Variants in AVEN observed in about 807,000 individuals in gnomAD.
The protein encoded by AVEN is apoptosis and caspase activation inhibitor.
In AVEN, 41 loss-of-function variants were observed where a neutral mutation model predicts 38.1. The observed-to-expected ratio is 1.08, with a 90% CI of 0.84 to 1.40. The LOEUF (loss-of-function observed/expected upper bound fraction) is 1.40. Among genes scored for constraint, AVEN ranks in the 40% most tolerant of loss-of-function variants. The pLI is 0.00. For synonymous variants in AVEN, 206 were observed against 171.8 expected (o/e 1.20, Z -1.56); for missense variants, 605 against 438.8 (o/e 1.38, Z -3.38).
At chr15:33,961,794 C>T (rs557334886) in intron 2 of AVEN, among the ~76,000 whole-genome samples, 2 of 109,850 alleles carry the variant, frequency 1.8e-5, no homozygotes, top group Admixed American at 1.4e-4. Flanking sequence ...GCCTGGGCGA[C>T]AGAGTGAGAC....
In AVEN at chr15:33,931,349, C is replaced by CTTTTTTT. The variant is rs71119903; in HGVS notation, c.446-55361_446-55355dup. On this transcript the variant is annotated intron_variant, in intron 2 of 5. Transcript: ENST00000306730. ...AAAAAGAAACTATGCTGAATATTTT[C>CTTTTTTT]TTTTTTTTTTTTTTTTTTTTTTTTT... is the stretch of plus-strand genomic sequence containing the variant. 2.4e-4 allele frequency among the ~76,000 whole-genome samples: 21 copies of CTTTTTTT among 89,274 alleles called. 1 individual carries two copies. Among genetic ancestry groups the CTTTTTTT allele is most frequent in the South Asian group, 7.6e-4 (2 of 2,628 alleles). 58.6% of individuals were successfully genotyped at this position (89,274 alleles called of 152,430 possible).
At chr15:34,009,530 G>C (rs1177417840) in intron 1 of AVEN, among the ~76,000 whole-genome samples, 1 of 151,902 alleles carries the variant, frequency 6.6e-6, no homozygotes, top group East Asian at 1.9e-4. Flanking sequence ...TAGATTCAAA[G>C]ATACAAGTAG....
chr15:33,989,541 A>G (rs1159820236), intron 2 of AVEN, among the ~76,000 whole-genome samples: 4 of 151,894 alleles, frequency 2.6e-5, no homozygotes, highest in Admixed American at 6.6e-5. Context: ...CCACCTAAAC[A>G]CATATACTAC....
intron 2 of AVEN, among the ~76,000 whole-genome samples, chr15:33,951,050 T>A (rs1359977631): frequency 9.9e-6 from 1 of 101,310 alleles, no homozygotes; most frequent in Non-Finnish European, 2.0e-5. Context: ...GGAGAGAGGG[T>A]GGGAGGAAGG....
chr15:33,864,100 T>A (rs762080268), downstream of AVEN: 4 of 1,529,570 alleles, frequency 2.6e-6, no homozygotes, highest in Non-Finnish European at 3.6e-6. Flanking sequence ...ACTTGGGTCT[T>A]GACCAGAGTA....
At chr15:33,995,851 G>A (rs913133868) in intron 2 of AVEN, among the ~76,000 whole-genome samples, 4 of 152,318 alleles carry the variant, frequency 2.6e-5, no homozygotes, top group South Asian at 2.1e-4. Context: ...TGCAGGCCAC[G>A]GAGGGCGAGC....
intron 2 of AVEN, among the ~76,000 whole-genome samples, chr15:33,882,126 T>C (rs1391652930): frequency 1.3e-5 from 2 of 152,162 alleles, no homozygotes; most frequent in African/African-American, 2.4e-5. Flanking sequence ...CCTTGTTGTG[T>C]ACTTATATAA....
chr15:33,946,792 C>T (rs934784437), intron 2 of AVEN, among the ~76,000 whole-genome samples: 1 of 152,058 alleles, frequency 6.6e-6, no homozygotes, highest in South Asian at 2.1e-4. Context: ...GCTGCGGTTG[C>T]GGGGAGCGGT....
At chr15:34,011,429 G>A (rs1246327894) in intron 1 of AVEN, among the ~76,000 whole-genome samples, 1 of 152,024 alleles carries the variant, frequency 6.6e-6, no homozygotes, top group East Asian at 1.9e-4. Context: ...GCAGTATATG[G>A]CATATATGTG....
At chr15:34,044,997 G>C (rs1274096143) in intron 5 of AVEN, among the ~76,000 whole-genome samples, 1 of 152,148 alleles carries the variant, frequency 6.6e-6, no homozygotes, top group Admixed American at 6.5e-5. Context: ...GCAGTGAGCC[G>C]AGATCGTGCC....
intron 2 of AVEN, among the ~76,000 whole-genome samples, chr15:33,989,230 G>A (rs2140560886): frequency 6.6e-6 from 1 of 152,116 alleles, no homozygotes; most frequent in South Asian, 2.1e-4. Flanking sequence ...TTAGTACCAT[G>A]CTTGGATATT....
chr15:34,007,154 G>T, intron 1 of AVEN: 2 of 533,800 alleles, frequency 3.7e-6, no homozygotes, highest in Non-Finnish European at 4.8e-6. Context: ...CTATTATCTT[G>T]TCCAATGACA....
At chr15:34,012,820 A>G (rs1055992324) in intron 1 of AVEN, among the ~76,000 whole-genome samples, 1 of 152,246 alleles carries the variant, frequency 6.6e-6, no homozygotes, top group Non-Finnish European at 1.5e-5. Context: ...AAGCAAGAAC[A>G]TGCAGAAATC....
At chr15:34,014,563 A>G (rs780852254) in intron 1 of AVEN, among the ~76,000 whole-genome samples, 1 of 152,128 alleles carries the variant, frequency 6.6e-6, no homozygotes, top group Non-Finnish European at 1.5e-5. Flanking sequence ...AAAGATGAAC[A>G]GGTACAAATC....
At chr15:33,959,910 G>A (rs1895099599) in intron 2 of AVEN, among the ~76,000 whole-genome samples, 1 of 152,308 alleles carries the variant, frequency 6.6e-6, no homozygotes, top group South Asian at 2.1e-4. Flanking sequence ...ATGTCATGGT[G>A]AGATTTAACC....
intron 2 of AVEN, among the ~76,000 whole-genome samples, chr15:33,900,962 A>G (rs991642965): frequency 6.6e-6 from 1 of 152,172 alleles, no homozygotes; most frequent in African/African-American, 2.4e-5. Flanking sequence ...ACTCCATCTT[A>G]GAAAAAGATT....
At chr15:34,026,111 TAA>T (rs1204332824) in intron 1 of AVEN, among the ~76,000 whole-genome samples, 7 of 152,250 alleles carry the variant, frequency 4.6e-5, no homozygotes, top group South Asian at 2.1e-4. Context: ...AAACACAGAT[TAA>T]GTTTGATATT....
In AVEN at chr15:34,021,823, C is replaced by G. The variant is rs149685758; in HGVS notation, c.267+16957G>C. On this transcript the variant is annotated intron_variant, in intron 1 of 5. Coordinates refer to ENST00000306730, the MANE Select transcript of AVEN (RefSeq NM_020371.3). ...TGAGCCGAGGTTGCGCCACTGCACT[C>G]CAGCCTGGGTGGACAGCGCAAGACT... Among the ~76,000 whole-genome samples, 127 of 152,134 alleles carry G rather than the reference C, an allele frequency of 8.3e-4. 1 individual carries two copies. Among genetic ancestry groups the G allele is most frequent in the African/African-American group, 2.9e-3 (121 of 41,514 alleles).
intron 2 of AVEN, among the ~76,000 whole-genome samples, chr15:33,938,251 C>T (rs773908700): frequency 2.0e-5 from 3 of 151,972 alleles, no homozygotes; most frequent in Non-Finnish European, 2.9e-5. Flanking sequence ...GTCAGGAGAT[C>T]GAGACCATCC....
Sources: allele counts gnomAD v4.1 joint callset (sites outside exome capture counted in the v4.1 genomes callset), GRCh38; gene constraint gnomAD v4.1.1; transcripts MANE v1.5; gene names NCBI Gene and HGNC (gene_info 2026-07-23, HGNC 2026-07-21).